Variants in DLG2 observed in about 807,000 individuals in gnomAD.
DLG2 encodes disks large homolog 2.
A neutral mutation model predicts 132.5 loss-of-function variants in DLG2; 45 were observed. The ratio of observed to expected loss-of-function variants is 0.34; its 90% CI spans 0.27 to 0.44. The LOEUF (loss-of-function observed/expected upper bound fraction) is 0.44, where lower values mean the gene tolerates loss of function less well. Among genes scored for constraint, DLG2 ranks in the 20% least tolerant of loss-of-function variants. The probability of loss-of-function intolerance (pLI) is 1.00; values close to 1 mark genes in which losing one functional copy is unlikely to be tolerated. For missense variants in DLG2, 1,045 were observed against 1,196.9 expected (o/e 0.87, Z 1.87); for synonymous variants, 424 against 419.6 (o/e 1.01, Z -0.13).
intron 7 of DLG2, among the ~76,000 whole-genome samples, chr11:84,365,051 C>G (rs1057304779): frequency 5.3e-5 from 8 of 152,088 alleles, no homozygotes; most frequent in South Asian, 2.1e-4. Context: ...AGGATTCCCT[C>G]TTTTTCTATT....
intron 15 of DLG2, among the ~76,000 whole-genome samples, chr11:83,901,557 A>G (rs2154099236): frequency 6.6e-6 from 1 of 152,276 alleles, no homozygotes; most frequent in South Asian, 2.1e-4. Context: ...CTTGTCTGGC[A>G]CTATGTAAGA....
At chr11:83,808,045 C>T (rs2046360066) in intron 17 of DLG2, among the ~76,000 whole-genome samples, 1 of 152,144 alleles carries the variant, frequency 6.6e-6, no homozygotes, top group African/African-American at 2.4e-5. Flanking sequence ...ACATTCCCTT[C>T]CCCATAATAT....
At chr11:84,603,151 A>G (rs1421518164) in intron 6 of DLG2, among the ~76,000 whole-genome samples, 1 of 151,952 alleles carries the variant, frequency 6.6e-6, no homozygotes, top group Non-Finnish European at 1.5e-5. Flanking sequence ...TGGTTCTCCT[A>G]GAGGACATTA....
At chr11:84,618,909 A>T (rs1246164834) in intron 6 of DLG2, among the ~76,000 whole-genome samples, 1 of 152,112 alleles carries the variant, frequency 6.6e-6, no homozygotes, top group African/African-American at 2.4e-5. Flanking sequence ...GAAAATATTT[A>T]AAAATATCAA....
intron 3 of DLG2, among the ~76,000 whole-genome samples, chr11:85,587,325 C>T (rs2079035232): frequency 6.6e-6 from 1 of 151,536 alleles, no homozygotes; most frequent in African/African-American, 2.4e-5. Flanking sequence ...TATTGTGTTG[C>T]CATCTATCTC....
At chr11:85,187,988 C>A (rs1354676676) in intron 4 of DLG2, among the ~76,000 whole-genome samples, 1 of 152,124 alleles carries the variant, frequency 6.6e-6, no homozygotes, top group Non-Finnish European at 1.5e-5. Flanking sequence ...CACCACCCTG[C>A]TGATGGGAAA....
At chr11:84,706,222 G>A (rs1408464095) in intron 6 of DLG2, among the ~76,000 whole-genome samples, 3 of 151,766 alleles carry the variant, frequency 2.0e-5, no homozygotes, top group African/African-American at 7.3e-5. Flanking sequence ...ACAAACGAAT[G>A]TTCTTGTTGG....
At chr11:83,551,365 T>C (rs930425847) in intron 19 of DLG2, among the ~76,000 whole-genome samples, 18 of 152,136 alleles carry the variant, frequency 1.2e-4, no homozygotes, top group African/African-American at 4.3e-4. Context: ...GACTGACAAA[T>C]GATAAAGCTA....
At chr11:84,613,670 T>TG (rs1206602533) in intron 6 of DLG2, among the ~76,000 whole-genome samples, 1 of 152,180 alleles carries the variant, frequency 6.6e-6, no homozygotes, top group Non-Finnish European at 1.5e-5. Context: ...AATGCCTAAT[T>TG]GTCAAGACAA....
intron 5 of DLG2, among the ~76,000 whole-genome samples, chr11:85,113,804 A>G (rs1450122275): frequency 3.3e-5 from 5 of 151,952 alleles, no homozygotes; most frequent in African/African-American, 1.2e-4. Flanking sequence ...ATCTTTCCCA[A>G]ACTTTATAGT....
rs558782462 is a variant in DLG2, at chr11:83,888,800, C to T, written c.1497-14312G>A. Among the ~76,000 whole-genome samples the T allele has an allele frequency of 2.3e-3, 353 of 152,184 alleles. 3 individuals carry two copies. Among genetic ancestry groups the T allele is most frequent in the African/African-American group, 8.1e-3 (336 of 41,518 alleles). On this transcript the variant is annotated intron_variant, in intron 15 of 27. Coordinates refer to ENST00000376104, the MANE Select transcript of DLG2 (RefSeq NM_001142699.3). ...AGAACAGAGCCCTCAGAAATAAAGCCGCATATCTACAACTATCTGATCTTT... is the reference window on the plus strand; with the variant it reads ...AGAACAGAGCCCTCAGAAATAAAGCTGCATATCTACAACTATCTGATCTTT...
chr11:85,514,034 C>T (rs1004864584), intron 3 of DLG2, among the ~76,000 whole-genome samples: 5 of 151,932 alleles, frequency 3.3e-5, no homozygotes, highest in Middle Eastern at 3.2e-3. Flanking sequence ...ACTACTAGTT[C>T]CTTCTCCCTT....
intron 6 of DLG2, among the ~76,000 whole-genome samples, chr11:85,071,719 C>T (rs1396686811): frequency 6.6e-6 from 1 of 151,696 alleles, no homozygotes; most frequent in East Asian, 1.9e-4. Context: ...AAATCAGGCA[C>T]TCTAGGGAAG....
intron 6 of DLG2, among the ~76,000 whole-genome samples, chr11:84,540,722 C>T (rs1403159750): frequency 1.3e-5 from 2 of 152,212 alleles, no homozygotes; most frequent in African/African-American, 4.8e-5. Flanking sequence ...AATCATGCTG[C>T]TATAAAGACA....
chr11:83,934,461 T>G (rs1038609973), intron 14 of DLG2, among the ~76,000 whole-genome samples: 1 of 152,080 alleles, frequency 6.6e-6, no homozygotes, highest in Non-Finnish European at 1.5e-5. Flanking sequence ...CCCTTAAATT[T>G]TGCACCCAAC....
In DLG2 at chr11:84,450,624, T is replaced by C. The variant is rs565408800; in HGVS notation, c.519+83946A>G. ...ATGGGGGCCTTAATTAGGGGGATGA[T>C]GGTAGAAATAAAGGCAAAGACCAAT... On this transcript the variant is annotated intron_variant, in intron 7 of 27. Transcript: ENST00000376104. 1.3e-3 allele frequency among the ~76,000 whole-genome samples: 190 copies of C among 151,800 alleles called. 2 individuals carry two copies. Among genetic ancestry groups the C allele is most frequent in the African/African-American group, 4.4e-3 (182 of 41,476 alleles).
intron 3 of DLG2, among the ~76,000 whole-genome samples, chr11:85,302,139 A>G (rs1419290584): frequency 1.3e-5 from 2 of 152,314 alleles, no homozygotes; most frequent in Non-Finnish European, 2.9e-5. Flanking sequence ...GGCTGACCGC[A>G]CATTCTGTTC....
intron 4 of DLG2, among the ~76,000 whole-genome samples, chr11:85,179,046 A>G (rs2079521941): frequency 6.6e-6 from 1 of 151,946 alleles, no homozygotes; most frequent in East Asian, 1.9e-4. Flanking sequence ...AAAATTAAAT[A>G]TGCACTCAGA....
intron 3 of DLG2, among the ~76,000 whole-genome samples, chr11:85,372,471 C>T (rs2085063068): frequency 6.6e-6 from 1 of 152,142 alleles, no homozygotes; most frequent in Admixed American, 6.5e-5. Context: ...TTCCAAGCTT[C>T]GGGTCAAAGC....
Sources: allele counts gnomAD v4.1 joint callset (sites outside exome capture counted in the v4.1 genomes callset), GRCh38; gene constraint gnomAD v4.1.1; transcripts MANE v1.5; gene names NCBI Gene and HGNC (gene_info 2026-07-23, HGNC 2026-07-21).